Variants in TMC1 observed in about 807,000 individuals in gnomAD.
TMC1 encodes transmembrane channel-like protein 1.
Under a neutral mutation model 105.8 loss-of-function variants are expected in TMC1, and 84 were observed. The ratio of observed to expected loss-of-function variants is 0.79; its 90% CI spans 0.67 to 0.95. The LOEUF (loss-of-function observed/expected upper bound fraction) is 0.95. Among genes scored for constraint, TMC1 ranks in the 40% least tolerant of loss-of-function variants. The pLI is 0.00. For synonymous variants in TMC1, 315 were observed against 311.5 expected (o/e 1.01, Z -0.12); for missense variants, 817 against 914.1 (o/e 0.89, Z 1.37).
At chr9:72,529,514 G>A (rs186256147) in intron 1 of TMC1, among the ~76,000 whole-genome samples, 1 of 152,198 alleles carries the variant, frequency 6.6e-6, no homozygotes, top group Admixed American at 6.5e-5. Context: ...TGTCTATATA[G>A]TGTGTATATA....
At chr9:72,558,050 G>A (rs928946501) in intron 1 of TMC1, among the ~76,000 whole-genome samples, 1 of 152,010 alleles carries the variant, frequency 6.6e-6, no homozygotes, top group African/African-American at 2.4e-5. Flanking sequence ...GGGCAGCCAG[G>A]AATAAAATAA....
At chr9:72,713,678 T>A (rs949944232) in intron 8 of TMC1, among the ~76,000 whole-genome samples, 8 of 151,774 alleles carry the variant, frequency 5.3e-5, no homozygotes, top group African/African-American at 1.9e-4. Context: ...TCTTTATTAG[T>A]CTGGCTAGTT....
intron 2 of TMC1, among the ~76,000 whole-genome samples, chr9:72,608,184 T>C (rs979840898): frequency 1.3e-5 from 2 of 152,176 alleles, no homozygotes; most frequent in Non-Finnish European, 2.9e-5. Context: ...AATGGTCTGT[T>C]AAACAGAAAA....
chr9:72,835,915 GTTTTTTTTTTTTT>G (rs754537281), intron 23 of TMC1, 23 bp from the exon 24 acceptor site: 3 of 1,316,978 alleles, frequency 2.3e-6, no homozygotes, highest in Non-Finnish European at 3.1e-6. Context: ...CTCTCTCCTT[GTTTTTTTTTTTTT>G]TTTTTTTCTG....
At chr9:72,526,022 G>C (rs545711705) in intron 1 of TMC1, among the ~76,000 whole-genome samples, 88 of 152,026 alleles carry the variant, frequency 5.8e-4, no homozygotes, top group African/African-American at 2.0e-3. Flanking sequence ...CACAGACTAA[G>C]TAAGCATTAT....
chr9:72,694,334 T>C (rs1480571367), intron 6 of TMC1, among the ~76,000 whole-genome samples: 1 of 152,154 alleles, frequency 6.6e-6, no homozygotes, highest in Non-Finnish European at 1.5e-5. Context: ...TTTGAGTCGG[T>C]GAACCACAAT....
Position 72,540,670 on chromosome 9 carries a change from C to T in TMC1, c.-428+18757C>T, listed in dbSNP as rs544716440. ...TATTTTTGTCCCTAGTCATGATTCC[C>T]AGAACCTTGCTGTGGTCATTTTGAT... On this transcript the variant is annotated intron_variant, in intron 1 of 23. Transcript: ENST00000297784. 5.6e-4 allele frequency among the ~76,000 whole-genome samples: 85 copies of T among 152,228 alleles called. 1 individual carries two copies. The highest frequency in any genetic ancestry group is 1.1e-3 in the Non-Finnish European group (72 of 68,014).
chr9:72,773,286 A>G (rs1217085128), intron 13 of TMC1, among the ~76,000 whole-genome samples: 1 of 152,144 alleles, frequency 6.6e-6, no homozygotes, highest in Non-Finnish European at 1.5e-5. Context: ...GAAACATCTC[A>G]AGTAAGGTTG....
intron 15 of TMC1, among the ~76,000 whole-genome samples, chr9:72,791,203 C>T (rs533081598): frequency 1.2e-4 from 18 of 152,034 alleles, no homozygotes; most frequent in African/African-American, 1.7e-4. Flanking sequence ...CTCTCTCCCC[C>T]CTCTCCCCAC....
intron 17 of TMC1, among the ~76,000 whole-genome samples, chr9:72,802,197 A>C (rs1828484150): frequency 6.6e-6 from 1 of 152,090 alleles, no homozygotes; most frequent in Non-Finnish European, 1.5e-5. Context: ...GTTCCAGGTC[A>C]GCCTGGGCAA....
intron 17 of TMC1, among the ~76,000 whole-genome samples, chr9:72,798,350 T>C (rs7853103): frequency 0.19 from 29,624 of 152,052 alleles, 3,261 homozygotes; most frequent in African/African-American, 0.29. Context: ...TTCAACCCAG[T>C]CATCCCATTA....
chr9:72,814,573 AG>A (rs1232992690), intron 18 of TMC1, among the ~76,000 whole-genome samples: 6 of 152,218 alleles, frequency 3.9e-5, no homozygotes, highest in African/African-American at 1.4e-4. Flanking sequence ...TTTAATACAC[AG>A]GACTCTTTAT....
At chr9:72,635,485 C>T (rs1247907553) in intron 4 of TMC1, among the ~76,000 whole-genome samples, 4 of 152,106 alleles carry the variant, frequency 2.6e-5, no homozygotes, top group Non-Finnish European at 5.9e-5. Flanking sequence ...AAAAGATGCT[C>T]CTGTTACCTT....
intron 1 of TMC1, among the ~76,000 whole-genome samples, chr9:72,556,626 A>G (rs1229326716): frequency 6.6e-6 from 1 of 150,602 alleles, no homozygotes; most frequent in Non-Finnish European, 1.5e-5. Context: ...TGAAACCAGC[A>G]TGGCCAACAT....
intron 5 of TMC1, among the ~76,000 whole-genome samples, chr9:72,684,579 A>G (rs745541878): frequency 5.3e-5 from 8 of 152,076 alleles, no homozygotes; most frequent in Non-Finnish European, 8.8e-5. Flanking sequence ...CTTTAAATAC[A>G]ATGTTTTTGC....
In TMC1 at chr9:72,686,780, C is replaced by T. The variant is rs1436848604; in HGVS notation, c.17-1929C>T. 7.2e-5 allele frequency among the ~76,000 whole-genome samples: 11 copies of T among 152,324 alleles called. No homozygotes were observed. In the East Asian group the frequency reaches 1.5e-3, roughly 21 times the overall value. On this transcript the variant is annotated intron_variant, in intron 5 of 23. Transcript: ENST00000297784. ...ACCAGAATCACTATTGGAAAACCAA[C>T]TCAAGAGGAGGGACTGGGTCATTTC... is the stretch of plus-strand genomic sequence containing the variant.
At chr9:72,750,338 GC>G (rs1319275578) in intron 10 of TMC1, among the ~76,000 whole-genome samples, 1 of 152,222 alleles carries the variant, frequency 6.6e-6, no homozygotes, top group Non-Finnish European at 1.5e-5. Context: ...GAACACATGG[GC>G]TGATGCAGCC....
At chr9:72,547,263 G>T (rs1823786372) in intron 1 of TMC1, among the ~76,000 whole-genome samples, 1 of 148,802 alleles carries the variant, frequency 6.7e-6, no homozygotes, top group Non-Finnish European at 1.5e-5. Context: ...CTCCAGCCTG[G>T]GCAACAGAGC....
chr9:72,742,276 A>G (rs1401353332), intron 9 of TMC1, among the ~76,000 whole-genome samples, 168 bp from the exon 10 acceptor site: 4 of 152,206 alleles, frequency 2.6e-5, no homozygotes, highest in African/African-American at 9.6e-5. Context: ...TTAGTGGAGA[A>G]CAGGGAAACA....
Sources: allele counts gnomAD v4.1 joint callset (sites outside exome capture counted in the v4.1 genomes callset), GRCh38; gene constraint gnomAD v4.1.1; transcripts MANE v1.5; gene names NCBI Gene and HGNC (gene_info 2026-07-23, HGNC 2026-07-21).